Variants in GP5 observed in about 807,000 individuals in gnomAD.
GP5 encodes the protein platelet glycoprotein V.
For synonymous variants in GP5, 382 were observed against 353.9 expected (o/e 1.08, Z -0.89); for missense variants, 755 against 737.1 (o/e 1.02, Z -0.28).
In GP5 at chr3:194,398,012, G is replaced by A. The variant is rs34799505; in HGVS notation, c.271C>T (p.Pro91Ser). Reference protein sequence around the residue: ...ISDSHISAVAPGTFSDLIKLK... With the variant: ...ISDSHISAVASGTFSDLIKLK... ...TTTATCAGGTCACTGAAGGTGCCGG[G>A]GGCAACGGCGGAAATGTGGCTGTCG... Residue 91 changes from proline (P) to serine (S), a missense_variant, in exon 2 of 2, where the codon CCC becomes TCC. Coordinates refer to ENST00000692618, the MANE Select transcript of GP5 (RefSeq NM_004488.2). 1 of 1,614,110 alleles carries A rather than the reference G, an allele frequency of 6.2e-7. No individual in the cohort carries two copies. The highest frequency in any genetic ancestry group is 2.2e-5 in the East Asian group (1 of 44,884).
intron 1 of GP5, among the ~76,000 whole-genome samples, 95 bp downstream of exon 1, chr3:194,399,143 A>G (rs923071214): frequency 6.6e-6 from 1 of 152,224 alleles, no homozygotes; most frequent in African/African-American, 2.4e-5. Context: ...GAAATTTTAC[A>G]TAAATTGCTT....
At chr3:194,398,457 T>C (rs537688049) in intron 1 of GP5, 173 bp from the exon 2 acceptor site, 5 of 617,482 alleles carry the variant, frequency 8.1e-6, no homozygotes, top group South Asian at 2.5e-5. Context: ...CATTCTACAC[T>C]GCGTGGCCTC....
At position 194,396,946 on chromosome 3, in the gene GP5, T is replaced by G; in HGVS notation, c.1337A>C (p.Glu446Ala). The change falls in exon 2 of 2, where the codon GAA becomes GCA. Residue 446 changes from glutamate to alanine, a missense_variant. Coordinates refer to ENST00000692618, the MANE Select transcript of GP5 (RefSeq NM_004488.2). ...LRQHLGLVGGEEPPRCAGPGA... is the reference protein window; with the variant it reads ...LRQHLGLVGGAEPPRCAGPGA... ...AGGGCCTGCGCACCGTGGGGGCTCTTCCCCGCCCACGAGGCCTAGGTGCTG... is the reference window on the plus strand; with the variant it reads ...AGGGCCTGCGCACCGTGGGGGCTCTGCCCCGCCCACGAGGCCTAGGTGCTG... The G allele has an allele frequency of 6.5e-7, 1 of 1,542,164 alleles. No homozygotes were observed. The highest frequency in any genetic ancestry group is 8.7e-7 in the Non-Finnish European group (1 of 1,147,670).
Position 194,398,054 on chromosome 3 carries a change from G to A in GP5, c.229C>T (p.Gln77Ter). 6.2e-7 allele frequency: 1 copy of A among 1,614,032 alleles called. No homozygotes were observed. Among genetic ancestry groups the A allele is most frequent in the Non-Finnish European group, 8.5e-7 (1 of 1,179,960 alleles). The change falls in exon 2 of 2, where the codon CAG becomes TAG. Residue 77 changes from glutamine to a stop codon, truncating the protein, a stop_gained. Transcript: ENST00000692618. LOFTEE classifies it low-confidence loss of function (END_TRUNC). ...SQSFSGMTVL[Q>*]RLMISDSHIS... ...TGGCTGTCGGAGATCATGAGGCGCT[G>A]CAGGACGGTCATGCCGCTGAAGCTC...
rs564652213 is a variant in GP5 at position 194,396,901 on chromosome 3, G to C, written c.1382C>G (p.Pro461Arg). The C allele has an allele frequency of 6.6e-7, 1 of 1,508,232 alleles. No individual in the cohort carries two copies. The highest frequency in any genetic ancestry group is 1.3e-5 in the South Asian group (1 of 77,798). The allele number at this position is 1,508,232 out of a possible 1,614,324, so 93.4% of individuals were successfully genotyped here. ...GTCACCCCCCGGCAGGGCCCAGAGC[G>C]GCAGGCCGGCGTGCGCCCCAGGGCC... is the stretch of plus-strand genomic sequence containing the variant. ...CAGPGAHAGL[P>R]LWALPGGDAE... The change falls in exon 2 of 2, where the codon CCG becomes CGG. Residue 461 changes from proline (P) to arginine (R), a missense_variant. Pro to Arg is a moderately radical substitution (Grantham distance 103). Coordinates refer to ENST00000692618, the MANE Select transcript of GP5 (RefSeq NM_004488.2).
Position 194,397,012 on chromosome 3 carries a change from C to T in GP5, c.1271G>A (p.Arg424His). 1 of 1,596,684 alleles carries T rather than the reference C, an allele frequency of 6.3e-7. No individual in the cohort carries two copies. Among genetic ancestry groups the T allele is most frequent in the Non-Finnish European group, 8.5e-7 (1 of 1,178,164 alleles). Residue 424 changes from arginine to histidine, a missense_variant, in exon 2 of 2, where the codon CGC becomes CAC. By Grantham distance (29) the Arg-to-His change is conservative. Coordinates refer to ENST00000692618, the MANE Select transcript of GP5 (RefSeq NM_004488.2). The surrounding 1 kb of genome is among the most constrained non-coding windows in gnomAD (Gnocchi z 7.2). ...GAAGGGCCCCAGGCCACAGTCGCAG[C>T]GCCAGGAGTTGTGCCCCAACAGGAC... ...TEVLLGHNSW[R>H]CDCGLGPFLG...
In GP5 at chr3:194,397,340, G is replaced by A. The variant is rs763048450; in HGVS notation, c.943C>T (p.Arg315Cys). The A allele has an allele frequency of 6.2e-7, 1 of 1,600,882 alleles. No homozygotes were observed. Among genetic ancestry groups the A allele is most frequent in the Non-Finnish European group, 8.5e-7 (1 of 1,177,744 alleles). ...AGAGTCACCCCTAAGTACCGCAGGC[G>A]GCTCAGGTTGCGGAAGGCGGCGGCG... ...LPAAAFRNLS[R>C]LRYLGVTLSP... Residue 315 changes from arginine to cysteine, a missense_variant, in exon 2 of 2, where the codon CGC becomes TGC. Transcript: ENST00000692618. The surrounding 1 kb of genome is among the most constrained non-coding windows in gnomAD (Gnocchi z 7.2).
rs754094776 is a variant in GP5 at position 194,396,683 on chromosome 3, T to C, written c.1600A>G (p.Met534Val). The C allele has an allele frequency of 2.5e-6, 4 of 1,613,914 alleles. No homozygotes were observed. The South Asian group carries it at 4.4e-5, about 18-fold the overall frequency. ...FYFLLLAVQAMITVIIVFAMI... is the reference protein window; with the variant it reads ...FYFLLLAVQAVITVIIVFAMI... ...GCAAACACGATGATCACGGTGATCA[T>C]GGCCTGAACAGCTAAAAGCAGAAAA... The change falls in exon 2 of 2, where the codon ATG becomes GTG. Residue 534 changes from methionine (M) to valine (V), a missense_variant. Met to Val is a conservative substitution (Grantham distance 21, BLOSUM62 1). Coordinates refer to ENST00000692618, the MANE Select transcript of GP5 (RefSeq NM_004488.2).
chr3:194,396,684 G>A lies in GP5; in HGVS notation c.1599C>T (p.Ala533=). The A allele has an allele frequency of 6.2e-7, 1 of 1,613,532 alleles. No individual in the cohort carries two copies. Among genetic ancestry groups the A allele is most frequent in the Non-Finnish European group, 8.5e-7 (1 of 1,179,416 alleles). Residue 533 remains alanine, a synonymous_variant, in exon 2 of 2, where the codon GCC becomes GCT. Transcript: ENST00000692618. ...GFYFLLLAVQ[A]MITVIIVFAM... ...CAAACACGATGATCACGGTGATCAT[G>A]GCCTGAACAGCTAAAAGCAGAAAAT... is the stretch of plus-strand genomic sequence containing the variant.
chr3:194,398,062 G>T lies in GP5; in HGVS notation c.221C>A (p.Thr74Asn). The change falls in exon 2 of 2, where the codon ACC becomes AAC. Residue 74 changes from threonine to asparagine, a missense_variant. By Grantham distance (65) the Thr-to-Asn change is moderately conservative. Coordinates refer to ENST00000692618, the MANE Select transcript of GP5 (RefSeq NM_004488.2). ...VLQSQSFSGM[T>N]VLQRLMISDS... ...GGAGATCATGAGGCGCTGCAGGACG[G>T]TCATGCCGCTGAAGCTCTGGCTCTG... The T allele has an allele frequency of 6.2e-7, 1 of 1,613,972 alleles. No homozygotes were observed. The highest frequency in any genetic ancestry group is 8.5e-7 in the Non-Finnish European group (1 of 1,179,928).
At position 194,396,492 on chromosome 3, in the gene GP5, G is replaced by A; in HGVS notation, c.*108C>T. ...TGGCAGTGAGAGAGAAGAGGAAGAA[G>A]AGAGGAGGAGTGGGGAGGGGAGGGA... is the stretch of plus-strand genomic sequence containing the variant. On this transcript the variant is annotated 3_prime_UTR_variant, in exon 2 of 2. Transcript: ENST00000692618. 5.0e-6 allele frequency: 4 copies of A among 799,966 alleles called. No individual in the cohort carries two copies. Among genetic ancestry groups the A allele is most frequent in the Non-Finnish European group, 6.0e-6 (3 of 497,936 alleles). 49.6% of individuals were successfully genotyped at this position (799,966 alleles called of 1,614,324 possible). A position where few individuals can be genotyped will look rare whatever the true frequency, so the allele number is the denominator to read the frequency against.
In GP5 at chr3:194,396,983, C is replaced by T; in HGVS notation, c.1300G>A (p.Gly434Arg). The T allele has an allele frequency of 6.3e-7, 1 of 1,588,506 alleles. No individual in the cohort carries two copies. Among genetic ancestry groups the T allele is most frequent in the Non-Finnish European group, 8.5e-7 (1 of 1,174,242 alleles). The change falls in exon 2 of 2, where the codon GGG becomes AGG. Residue 434 changes from glycine (G) to arginine (R), a missense_variant. Coordinates refer to ENST00000692618, the MANE Select transcript of GP5 (RefSeq NM_004488.2). Reference protein sequence around the residue: ...RCDCGLGPFLGWLRQHLGLVG... With the variant: ...RCDCGLGPFLRWLRQHLGLVG... ...AGGCCTAGGTGCTGCCGCAGCCACC[C>T]CAGGAAGGGCCCCAGGCCACAGTCG... is the stretch of plus-strand genomic sequence containing the variant.
chr3:194,396,861 G>T lies in GP5; in HGVS notation c.1422C>A (p.Gly474=), dbSNP rs78332923. 1.4e-5 allele frequency: 21 copies of T among 1,548,074 alleles called. No individual in the cohort carries two copies. Among genetic ancestry groups the T allele is most frequent in the Non-Finnish European group, 1.7e-5 (20 of 1,153,782 alleles). Residue 474 remains glycine, a synonymous_variant, in exon 2 of 2, where the codon GGC becomes GGA. Transcript: ENST00000692618. ...CGGGGCGGGGAGGCGGGCCCCGGGG[G>T]CCCGGGCACTCCGCGTCACCCCCCG... ...ALPGGDAECP[G]PRGPPPRPAA...
At position 194,397,470 on chromosome 3, in the gene GP5, C is replaced by T. The variant is rs372044750; in HGVS notation, c.813G>A (p.Leu271=). ...CTGCCAGCGGGTTCTCGAACAGAGT[C>T]AACAGAGTCAGATTGTGCGAATGAA... ...LFLHSHNLTL[L]TLFENPLAEL... The change falls in exon 2 of 2, where the codon TTG becomes TTA. Residue 271 remains leucine, a synonymous_variant. Transcript: ENST00000692618. This position sits in a 1 kb window ranked among gnomAD's most constrained non-coding sequence, Gnocchi z 7.2. 90 of 1,613,652 alleles carry T rather than the reference C, an allele frequency of 5.6e-5. No individual in the cohort carries two copies. Among genetic ancestry groups the T allele is most frequent in the Admixed American group, 8.3e-5 (5 of 59,988 alleles).
In GP5 at chr3:194,397,687, A is replaced by T. The variant is rs768484317; in HGVS notation, c.596T>A (p.Leu199His). The change falls in exon 2 of 2, where the codon CTT becomes CAT. Residue 199 changes from leucine (L) to histidine (H), a missense_variant. Coordinates refer to ENST00000692618, the MANE Select transcript of GP5 (RefSeq NM_004488.2). This position sits in a 1 kb window ranked among gnomAD's most constrained non-coding sequence, Gnocchi z 7.2. ...LLGAQAKLER[L>H]LLHSNRLVSL... ...CACAAGGCGGTTCGAGTGGAGCAGAAGTCTCTCGAGCTTAGCCTGTGCTCC... is the reference window on the plus strand; with the variant it reads ...CACAAGGCGGTTCGAGTGGAGCAGATGTCTCTCGAGCTTAGCCTGTGCTCC... 1.2e-6 allele frequency: 2 copies of T among 1,614,104 alleles called. No homozygotes were observed. The highest frequency in any genetic ancestry group is 1.7e-6 in the Non-Finnish European group (2 of 1,180,002).
chr3:194,399,191 A>G (rs1412673820), intron 1 of GP5, among the ~76,000 whole-genome samples, 47 bp downstream of exon 1: 1 of 152,240 alleles, frequency 6.6e-6, no homozygotes, highest in Non-Finnish European at 1.5e-5. Context: ...CACAGACTAA[A>G]GAGCCCTCTA....
rs1365823620 is a variant in GP5 at position 194,397,750 on chromosome 3, G to A, written c.533C>T (p.Ser178Leu). 7.4e-6 allele frequency: 12 copies of A among 1,613,710 alleles called. No homozygotes were observed. The highest frequency in any genetic ancestry group is 1.0e-5 in the Non-Finnish European group (12 of 1,179,764). ...GGGCAGGTGGGTCAGGTTGTTTCCCGATAAATCCAACAACTTCAGGTTCTC... is the reference window on the plus strand; with the variant it reads ...GGGCAGGTGGGTCAGGTTGTTTCCCAATAAATCCAACAACTTCAGGTTCTC... ...NLENLKLLDLSGNNLTHLPKG... is the reference protein window; with the variant it reads ...NLENLKLLDLLGNNLTHLPKG... Residue 178 changes from serine (S) to leucine (L), a missense_variant, in exon 2 of 2, where the codon TCG becomes TTG. Coordinates refer to ENST00000692618, the MANE Select transcript of GP5 (RefSeq NM_004488.2). This position sits in a 1 kb window ranked among gnomAD's most constrained non-coding sequence, Gnocchi z 7.2.
In GP5 at chr3:194,397,592, G is replaced by A. The variant is rs369093144; in HGVS notation, c.691C>T (p.Arg231Cys). The change falls in exon 2 of 2, where the codon CGT (arginine) becomes TGT (cysteine). Residue 231 changes from arginine to cysteine, a missense_variant. Physicochemically the swap from Arg to Cys is radical, Grantham distance 180 (BLOSUM62 -3). Coordinates refer to ENST00000692618, the MANE Select transcript of GP5 (RefSeq NM_004488.2). The surrounding 1 kb of genome is among the most constrained non-coding windows in gnomAD (Gnocchi z 7.2). ...TCGAAGGCCCCGGGTGCGATGGAAC[G>A]GATGTGATTTCGGTGGAACTGCAGC... ...TELQFHRNHI[R>C]SIAPGAFDRL... 1.0e-4 allele frequency: 167 copies of A among 1,614,044 alleles called. No individual in the cohort carries two copies. Among genetic ancestry groups the A allele is most frequent in the Non-Finnish European group, 1.3e-4 (150 of 1,180,020 alleles).
chr3:194,395,173 C>T lies in GP5; in HGVS notation c.*1427G>A, dbSNP rs115992957. On this transcript the variant is annotated 3_prime_UTR_variant, in exon 2 of 2. Transcript: ENST00000692618. ...GAAACCAAGGCTTAGAGAATGTAAG[C>T]AGGTGTCTTACCCAAAGTCCCATGC... 2.3e-3 allele frequency: 348 copies of T among 152,300 alleles called. 1 individual carries two copies. Among genetic ancestry groups the T allele is most frequent in the African/African-American group, 7.8e-3 (323 of 41,550 alleles). The allele number at this position is 152,300 out of a possible 1,614,324, so 9.4% of individuals were successfully genotyped here. A position where few individuals can be genotyped will look rare whatever the true frequency, so the allele number is the denominator to read the frequency against.
Sources: gnomAD v4.1 joint callset for allele counts (sites outside exome capture counted in the v4.1 genomes callset) on GRCh38, gnomAD v4.1.1 for gene constraint, Gnocchi (gnomAD v3.1) non-coding constraint, MANE v1.5 for transcripts, NCBI Gene and HGNC (gene_info 2026-07-23, HGNC 2026-07-21) for gene names.